The following PRKAG2 variants were observed in gnomAD, a reference collection of about 807,000 sequenced individuals.
PRKAG2 encodes the protein 5'-AMP-activated protein kinase subunit gamma-2.
In PRKAG2, 26 loss-of-function variants were observed where a neutral mutation model predicts 69.6. The observed-to-expected ratio is 0.37, with a 90% CI of 0.27 to 0.52. The LOEUF (loss-of-function observed/expected upper bound fraction) is 0.52. Ranked by LOEUF, PRKAG2 falls within the 20% of genes least tolerant of loss-of-function variation. The pLI is 0.90. For missense variants in PRKAG2, 557 were observed against 740.0 expected, an observed-to-expected ratio of 0.75 and a Z score of 2.87; for synonymous variants, 293 against 285.0, an observed-to-expected ratio of 1.03 and a Z score of -0.28.
rs373031474 is a variant in PRKAG2, at chr7:151,621,514, C to CACAAA, written c.754+10550_754+10554dup. On this transcript the variant is annotated intron_variant, in intron 5 of 15. Transcript: ENST00000287878. ...CCTGGGTGACAGAGTGAGACCCTGT[C>CACAAA]ACAAAACAAAACAAAACAAAACAAA... is the stretch of plus-strand genomic sequence containing the variant. Among the ~76,000 whole-genome samples, 327 of 152,100 alleles carry CACAAA rather than the reference C, an allele frequency of 2.1e-3. 1 individual carries two copies. The highest frequency in any genetic ancestry group is 7.3e-3 in the African/African-American group (301 of 41,460).
intron 11 of PRKAG2, among the ~76,000 whole-genome samples, chr7:151,566,881 T>G (rs1006044608): frequency 2.6e-5 from 4 of 152,188 alleles, no homozygotes; most frequent in Non-Finnish European, 5.9e-5. Context: ...CTGAAATGTC[T>G]TTAAGTTCTA....
intron 3 of PRKAG2, among the ~76,000 whole-genome samples, chr7:151,743,642 G>A (rs947344532): frequency 8.5e-5 from 13 of 152,196 alleles, no homozygotes; most frequent in African/African-American, 3.1e-4. Context: ...CCGATGACAG[G>A]TATCTCACCC....
intron 3 of PRKAG2, among the ~76,000 whole-genome samples, chr7:151,728,782 G>A (rs578261278): frequency 1.3e-5 from 2 of 152,224 alleles, no homozygotes; most frequent in South Asian, 2.1e-4. Flanking sequence ...CCTGATGAGC[G>A]CCCCTGGGAG....
chr7:151,840,385 A>G (rs1299510243), intron 1 of PRKAG2, among the ~76,000 whole-genome samples: 1 of 152,052 alleles, frequency 6.6e-6, no homozygotes, highest in African/African-American at 2.4e-5. Flanking sequence ...CCAGTTAGTT[A>G]CTCATTCATT....
At chr7:151,558,743 CAT>C in intron 15 of PRKAG2, 1 of 985,356 alleles carries the variant, frequency 1.0e-6, no homozygotes, top group Non-Finnish European at 1.2e-6. Context: ...TCTATGGTAA[CAT>C]ACATTCCAAA....
intron 3 of PRKAG2, among the ~76,000 whole-genome samples, chr7:151,728,984 C>T (rs1798456214): frequency 6.6e-6 from 1 of 152,110 alleles, no homozygotes; most frequent in Non-Finnish European, 1.5e-5. Context: ...TACCCTGCCA[C>T]CCTGTGAGGT....
chr7:151,589,805 G>C (rs1812618758), intron 6 of PRKAG2, among the ~76,000 whole-genome samples: 1 of 152,146 alleles, frequency 6.6e-6, no homozygotes, highest in African/African-American at 2.4e-5. Flanking sequence ...TGTGGTAGTG[G>C]GTGCCTGTAA....
At chr7:151,715,322 CAAAAAAAAAA>C (rs34971340) in intron 3 of PRKAG2, among the ~76,000 whole-genome samples, 46 of 62,444 alleles carry the variant, frequency 7.4e-4, no homozygotes, top group East Asian at 2.5e-3. Flanking sequence ...GGCCTAAAAG[CAAAAAAAAAA>C]AAAAAAAAAA....
rs6976811 is a variant in PRKAG2, at chr7:151,605,915, C to T, written c.755-10461G>A. On this transcript the variant is annotated intron_variant, in intron 5 of 15. Transcript: ENST00000287878. Reference sequence around the variant, plus strand: ...ATTGTGCCACTGCACTCCAGCCTGGCGACAGAGCGAGACTCCGTCTCAAAA... The same window carrying T: ...ATTGTGCCACTGCACTCCAGCCTGGTGACAGAGCGAGACTCCGTCTCAAAA... 5.7e-4 allele frequency among the ~76,000 whole-genome samples: 78 copies of T among 137,450 alleles called. 2 individuals carry two copies. Among genetic ancestry groups the T allele is most frequent in the Admixed American group, 4.5e-3 (55 of 12,242 alleles). 90.2% of individuals were successfully genotyped at this position (137,450 alleles called of 152,430 possible).
At chr7:151,832,624 T>C (rs528578281) in intron 1 of PRKAG2, among the ~76,000 whole-genome samples, 396 of 142,360 alleles carry the variant, frequency 2.8e-3, no homozygotes, top group Non-Finnish European at 5.0e-3. Context: ...CAGCCCACCC[T>C]GGGTCCCTTC....
intron 5 of PRKAG2, among the ~76,000 whole-genome samples, chr7:151,598,305 T>C (rs1815127837): frequency 6.6e-6 from 1 of 151,600 alleles, no homozygotes; most frequent in African/African-American, 2.4e-5. Context: ...GGGGAGGGAA[T>C]GGGGTGGGGG....
At position 151,697,107 on chromosome 7, in the gene PRKAG2, G is replaced by A. The variant is rs191111025; in HGVS notation, c.467-21470C>T. Among the ~76,000 whole-genome samples the A allele has an allele frequency of 6.1e-3, 922 of 152,298 alleles. 12 individuals carry two copies. The highest frequency in any genetic ancestry group is 0.021 in the African/African-American group (870 of 41,556). On this transcript the variant is annotated intron_variant, in intron 3 of 15. Coordinates refer to ENST00000287878, the MANE Select transcript of PRKAG2 (RefSeq NM_016203.4). ...GTGTAGCCTGGGAGGGGCCTTGGGC[G>A]GGAGCATCCCCGGGGAGAGAGCTGG...
At chr7:151,584,597 C>A (rs1811214322) in intron 6 of PRKAG2, among the ~76,000 whole-genome samples, 1 of 152,156 alleles carries the variant, frequency 6.6e-6, no homozygotes. Context: ...GAAAAGCAAG[C>A]ACTGGGAAGA....
intron 15 of PRKAG2, chr7:151,559,269 T>G (rs1804416814): frequency 7.2e-6 from 7 of 977,110 alleles, no homozygotes; most frequent in Non-Finnish European, 7.3e-6. Context: ...CGAATGAATG[T>G]GACACAATTT....
At chr7:151,776,752 G>A (rs2076374464) in intron 3 of PRKAG2, among the ~76,000 whole-genome samples, 1 of 152,248 alleles carries the variant, frequency 6.6e-6, no homozygotes, top group Non-Finnish European at 1.5e-5. Flanking sequence ...CCCTAGGTGA[G>A]GAAGCAGCAG....
At chr7:151,657,482 G>A (rs1829611334) in intron 4 of PRKAG2, among the ~76,000 whole-genome samples, 1 of 152,158 alleles carries the variant, frequency 6.6e-6, no homozygotes. Context: ...GTGCCATTTG[G>A]TAAAATGAAA....
At chr7:151,842,019 AG>A (rs1438860177) in intron 1 of PRKAG2, among the ~76,000 whole-genome samples, 4 of 133,674 alleles carry the variant, frequency 3.0e-5, no homozygotes, top group African/African-American at 1.2e-4. Flanking sequence ...TAGTGATGGT[AG>A]GTAGGGATGG....
rs1334885928 is a variant in PRKAG2 at position 151,719,974 on chromosome 7, G to A, written c.467-44337C>T. On this transcript the variant is annotated intron_variant, in intron 3 of 15. Coordinates refer to ENST00000287878, the MANE Select transcript of PRKAG2 (RefSeq NM_016203.4). The surrounding 1 kb of genome is among the most constrained non-coding windows in gnomAD (Gnocchi z 5.2). ...TCTGCCCAGGTCCAGACCAGGGGCA[G>A]CTCTGGCCCAGTCCTGGGCTCCTCC... Among the ~76,000 whole-genome samples, 2 of 152,212 alleles carry A rather than the reference G, an allele frequency of 1.3e-5. No individual in the cohort carries two copies. Among genetic ancestry groups the A allele is most frequent in the Non-Finnish European group, 2.9e-5 (2 of 68,036 alleles).
chr7:151,866,206 C>T (rs1050172645), intron 1 of PRKAG2, among the ~76,000 whole-genome samples: 6 of 152,120 alleles, frequency 3.9e-5, no homozygotes, highest in African/African-American at 1.4e-4. Flanking sequence ...TCTGGGCCCA[C>T]CGTCCAGCCT....
Sources: allele counts gnomAD v4.1 joint callset (sites outside exome capture counted in the v4.1 genomes callset), GRCh38; gene constraint gnomAD v4.1.1; non-coding constraint Gnocchi (gnomAD v3.1); transcripts MANE v1.5; gene names NCBI Gene and HGNC (gene_info 2026-07-23, HGNC 2026-07-21).